Variants in FAF1 observed in about 807,000 individuals in gnomAD.
FAF1 encodes the protein Fas associated factor 1, also known as FAS-associated factor 1.
In FAF1, 25 loss-of-function variants were observed where a neutral mutation model predicts 92.5. That is an observed-to-expected ratio of 0.27 (90% CI 0.20 to 0.38). The LOEUF (loss-of-function observed/expected upper bound fraction) is 0.38, where lower values mean the gene tolerates loss of function less well. Among genes scored for constraint, FAF1 ranks in the 10% least tolerant of loss-of-function variants. The probability of loss-of-function intolerance (pLI) is 1.00; values close to 1 mark genes in which losing one functional copy is unlikely to be tolerated. For synonymous variants in FAF1, 234 were observed against 273.2 expected (o/e 0.86, Z 1.42); for missense variants, 636 against 793.3 (o/e 0.80, Z 2.38).
At chr1:50,643,121 C>T (rs972262031) in intron 8 of FAF1, among the ~76,000 whole-genome samples, 3 of 152,304 alleles carry the variant, frequency 2.0e-5, no homozygotes, top group African/African-American at 4.8e-5. Context: ...TGAGCCACCA[C>T]GCCTGGCCTT....
At chr1:50,723,619 A>G (rs893637130) in intron 6 of FAF1, among the ~76,000 whole-genome samples, 9 of 152,120 alleles carry the variant, frequency 5.9e-5, no homozygotes, top group Non-Finnish European at 1.0e-4. Context: ...ATGAATATCA[A>G]TACACATTCC....
At chr1:50,920,551 C>G (rs1644954725) in intron 1 of FAF1, among the ~76,000 whole-genome samples, 1 of 152,054 alleles carries the variant, frequency 6.6e-6, no homozygotes, top group Non-Finnish European at 1.5e-5. Context: ...AAATCAAATC[C>G]AGGATTATGT....
intron 18 of FAF1, among the ~76,000 whole-genome samples, chr1:50,443,103 C>T (rs1646188837): frequency 1.3e-5 from 2 of 152,216 alleles, no homozygotes; most frequent in African/African-American, 2.4e-5. Context: ...GCATTTTCTG[C>T]CCACCTGCTT....
At chr1:50,707,395 T>C (rs1657722870) in intron 6 of FAF1, among the ~76,000 whole-genome samples, 2 of 151,906 alleles carry the variant, frequency 1.3e-5, no homozygotes, top group South Asian at 2.1e-4. Context: ...TGTCATTATA[T>C]CCATAAAAAT....
intron 15 of FAF1, among the ~76,000 whole-genome samples, chr1:50,520,745 G>A (rs1187055495): frequency 6.6e-6 from 1 of 152,122 alleles, no homozygotes; most frequent in Non-Finnish European, 1.5e-5. Flanking sequence ...CAACTGGGAG[G>A]GAGGCAGGAG....
At chr1:50,489,642 T>C (rs943497637) in intron 17 of FAF1, among the ~76,000 whole-genome samples, 3 of 151,818 alleles carry the variant, frequency 2.0e-5, no homozygotes, top group Non-Finnish European at 2.9e-5. Context: ...ATAGTACATA[T>C]CCCAAAAATG....
At chr1:50,920,989 A>G (rs925842879) in intron 1 of FAF1, among the ~76,000 whole-genome samples, 66 of 152,254 alleles carry the variant, frequency 4.3e-4, no homozygotes, top group African/African-American at 1.6e-3. Context: ...GCTATCTTTT[A>G]TCACAGACAA....
At chr1:50,898,176 C>T (rs1183195344) in intron 1 of FAF1, among the ~76,000 whole-genome samples, 1 of 152,184 alleles carries the variant, frequency 6.6e-6, no homozygotes, top group African/African-American at 2.4e-5. Flanking sequence ...CATGGTGGTG[C>T]ATTCCTGTAG....
At chr1:50,494,979 A>G (rs976326146) in intron 15 of FAF1, among the ~76,000 whole-genome samples, 1 of 152,030 alleles carries the variant, frequency 6.6e-6, no homozygotes, top group African/African-American at 2.4e-5. Context: ...AGTTAAAAAA[A>G]TTTTTTTTGA....
intron 1 of FAF1, among the ~76,000 whole-genome samples, chr1:50,904,993 C>G (rs992139100): frequency 2.6e-5 from 4 of 151,550 alleles, no homozygotes; most frequent in African/African-American, 9.7e-5. Context: ...CCCATTAACT[C>G]ATCATTTACA....
At chr1:50,767,595 C>G (rs763095546) in intron 4 of FAF1, among the ~76,000 whole-genome samples, 2 of 152,172 alleles carry the variant, frequency 1.3e-5, no homozygotes, top group Non-Finnish European at 2.9e-5. Flanking sequence ...GGGAACCCCA[C>G]AGACTAACAG....
chr1:50,812,093 C>T (rs1276388418), intron 2 of FAF1, among the ~76,000 whole-genome samples: 1 of 151,978 alleles, frequency 6.6e-6, no homozygotes, highest in Non-Finnish European at 1.5e-5. Context: ...AAATGTAAAA[C>T]CTAAAACCTC....
chr1:50,522,376 C>A (rs929548113), intron 15 of FAF1, among the ~76,000 whole-genome samples: 12 of 152,162 alleles, frequency 7.9e-5, no homozygotes, highest in African/African-American at 2.4e-4. Context: ...AGTTTCCTCT[C>A]TCCTCAGTAA....
chr1:50,701,751 C>A (rs1392944323), intron 7 of FAF1, among the ~76,000 whole-genome samples: 1 of 152,050 alleles, frequency 6.6e-6, no homozygotes, highest in Non-Finnish European at 1.5e-5. Flanking sequence ...TTATTCAACT[C>A]TATTGGCTTC....
At chr1:50,712,888 G>A (rs570029202) in intron 6 of FAF1, among the ~76,000 whole-genome samples, 58 of 151,444 alleles carry the variant, frequency 3.8e-4, no homozygotes, top group Non-Finnish European at 6.5e-4. Flanking sequence ...TTGGGGGGGC[G>A]CTGTGGCTCA....
At chr1:50,502,989 A>G (rs148116869) in intron 15 of FAF1, among the ~76,000 whole-genome samples, 83 of 151,838 alleles carry the variant, frequency 5.5e-4, no homozygotes, top group African/African-American at 1.8e-3. Context: ...ATGTCAGGCT[A>G]ATTATTCTAA....
intron 15 of FAF1, among the ~76,000 whole-genome samples, chr1:50,533,245 T>A (rs1350449301): frequency 1.3e-5 from 2 of 151,894 alleles, no homozygotes; most frequent in African/African-American, 4.8e-5. Context: ...CTAATTTTTG[T>A]ATTTTTTATA....
In FAF1 at chr1:50,733,714, T is replaced by C. The variant is rs74830103; in HGVS notation, c.551+5149A>G. 2.8e-3 allele frequency among the ~76,000 whole-genome samples: 431 copies of C among 152,334 alleles called. 1 individual carries two copies. Among genetic ancestry groups the C allele is most frequent in the Admixed American group, 6.5e-3 (100 of 15,302 alleles). ...GGAACTGACTCTACTGGAACCTTCA[T>C]CTTGGAGATTTCCAAACTCAAGAAC... is the stretch of plus-strand genomic sequence containing the variant. On this transcript the variant is annotated intron_variant, in intron 6 of 18. Coordinates refer to ENST00000396153, the MANE Select transcript of FAF1 (RefSeq NM_007051.3).
At chr1:50,689,270 A>C (rs372348553) in intron 7 of FAF1, among the ~76,000 whole-genome samples, 2 of 152,172 alleles carry the variant, frequency 1.3e-5, no homozygotes, top group South Asian at 4.2e-4. Flanking sequence ...CTACTCCTAG[A>C]TATATAACAA....
Sources: gnomAD v4.1 joint callset for allele counts (sites outside exome capture counted in the v4.1 genomes callset) on GRCh38, gnomAD v4.1.1 for gene constraint, MANE v1.5 for transcripts, NCBI Gene and HGNC (gene_info 2026-07-23, HGNC 2026-07-21) for gene names.